Variants in TNC observed in about 807,000 individuals in gnomAD.
The protein encoded by TNC is tenascin.
TNC carries 109 observed loss-of-function variants against 202.4 expected under a neutral mutation model. That is an observed-to-expected ratio of 0.54 (90% CI 0.46 to 0.63). TNC has a LOEUF of 0.63. TNC is among the 30% of genes least tolerant of loss of function. The probability of loss-of-function intolerance (pLI) is 0.00; values close to 1 mark genes in which losing one functional copy is unlikely to be tolerated. For missense variants in TNC, 2,756 were observed against 2,833.3 expected, an observed-to-expected ratio of 0.97 and a Z score of 0.62; for synonymous variants, 1,007 against 1,089.7, an observed-to-expected ratio of 0.92 and a Z score of 1.50.
chr9:115,029,485 A>G, intron 24 of TNC, 29 bp from the exon 25 acceptor site: 1 of 1,605,670 alleles, frequency 6.2e-7, no homozygotes, highest in Non-Finnish European at 8.5e-7. Flanking sequence ...ATCTGGGTGT[A>G]CTTAAGCTAT....
rs374425128 is a variant in TNC at position 115,077,925 on chromosome 9, C to T, written c.2674+18G>A. The stretch of plus-strand genomic sequence containing the variant: ...ATCTTTCCTTTACTATATCTGTTAA[C>T]AGGGGGAGGCCTTTTACCTGTTGTG... On this transcript the variant is annotated intron_variant, in intron 7 of 27. Transcript: ENST00000350763. 24 of 1,609,432 alleles carry T rather than the reference C, an allele frequency of 1.5e-5. No homozygotes were observed. The highest frequency in any genetic ancestry group is 2.0e-5 in the Non-Finnish European group (23 of 1,176,702).
chr9:115,111,399 C>CTCTCTTTTTTTTTTTTT (rs1174066886), intron 1 of TNC, among the ~76,000 whole-genome samples: 1 of 71,360 alleles, frequency 1.4e-5, no homozygotes, highest in African/African-American at 6.0e-5. Context: ...CTCTCTCTCT[C>CTCTCTTTTTTTTTTTTT]TTTTTTTTTT....
In TNC at chr9:115,086,988, C is replaced by T. The variant is rs140657176; in HGVS notation, c.743G>A (p.Ser248Asn). The T allele has an allele frequency of 9.3e-6, 15 of 1,614,100 alleles. No individual in the cohort carries two copies. In the African/African-American group the frequency reaches 1.1e-4, roughly 11 times the overall value. ...GCAGGGCACTGGGCAGATTTCACGGCTGCAGTCAGCCCCGGCGTAGCCTTC... is the reference window on the plus strand; with the variant it reads ...GCAGGGCACTGGGCAGATTTCACGGTTGCAGTCAGCCCCGGCGTAGCCTTC... ...CFEGYAGADC[S>N]REICPVPCSE... The change falls in exon 3 of 28, where the codon AGC becomes AAC. Residue 248 changes from serine to asparagine, a missense_variant. Ser to Asn is a conservative substitution (Grantham distance 46). Coordinates refer to ENST00000350763, the MANE Select transcript of TNC (RefSeq NM_002160.4).
At chr9:115,029,574 C>G in intron 24 of TNC, 118 bp from the exon 25 acceptor site, 2 of 1,002,318 alleles carry the variant, frequency 2.0e-6, no homozygotes, top group Non-Finnish European at 3.1e-6. Context: ...CTGTCCATCC[C>G]TAATTTGCTA....
chr9:115,052,519 G>A (rs1831774680), intron 15 of TNC, among the ~76,000 whole-genome samples: 1 of 142,264 alleles, frequency 7.0e-6, no homozygotes, highest in South Asian at 2.2e-4. Flanking sequence ...ATAAGGTGAG[G>A]TGATTGATAT....
chr9:115,082,588 C>A, intron 5 of TNC, 104 bp downstream of exon 5: 1 of 744,626 alleles, frequency 1.3e-6, no homozygotes, highest in Non-Finnish European at 2.3e-6. Context: ...CCTTGTCCTC[C>A]ACCAAAAACT....
intron 21 of TNC, chr9:115,035,775 A>G (rs1342836773): frequency 3.0e-5 from 9 of 301,644 alleles, no homozygotes; most frequent in Non-Finnish European, 6.1e-6. Flanking sequence ...ATGCCTCTTC[A>G]AAAATATTTT....
Position 115,035,294 on chromosome 9 carries a change from C to A in TNC, c.5697G>T (p.Gln1899His), listed in dbSNP as rs139176024. Residue 1899 changes from glutamine (Q) to histidine (H), a missense_variant, in exon 22 of 28, where the codon CAG (glutamine) becomes CAT (histidine). Transcript: ENST00000350763. ...GCCAGGTAAGGAGGGCAGTTTCCGA[C>A]TGAACCTCAGTAGCAGTCAAGTCTC... ...SPRDLTATEVQSETALLTWRP... is the reference protein window; with the variant it reads ...SPRDLTATEVHSETALLTWRP... 3.3e-5 allele frequency: 54 copies of A among 1,613,600 alleles called. No homozygotes were observed. In the African/African-American group the frequency reaches 6.9e-4, roughly 21 times the overall value.
chr9:115,066,919 T>G (rs1832997795), intron 10 of TNC, among the ~76,000 whole-genome samples: 1 of 152,204 alleles, frequency 6.6e-6, no homozygotes, highest in African/African-American at 2.4e-5. Flanking sequence ...TCTAAAATAT[T>G]TACCATCTGG....
intron 17 of TNC, among the ~76,000 whole-genome samples, chr9:115,042,670 T>C (rs57814580): frequency 6.6e-6 from 1 of 152,198 alleles, no homozygotes; most frequent in Non-Finnish European, 1.5e-5. Context: ...ATTTTTAACA[T>C]TTTCTTAAAT....
At chr9:115,111,737 A>G (rs781201419) in intron 1 of TNC, among the ~76,000 whole-genome samples, 3 of 152,068 alleles carry the variant, frequency 2.0e-5, no homozygotes, top group Non-Finnish European at 4.4e-5. Flanking sequence ...GGCTTTGTTA[A>G]TGTAAATGGC....
intron 18 of TNC, among the ~76,000 whole-genome samples, chr9:115,041,766 T>C (rs1234009731): frequency 6.6e-6 from 1 of 152,170 alleles, no homozygotes; most frequent in Non-Finnish European, 1.5e-5. Flanking sequence ...TGGTCTCTAT[T>C]ATAGCCCATG....
In TNC at chr9:115,086,044, A is replaced by C; in HGVS notation, c.1687T>G (p.Cys563Gly). The C allele has an allele frequency of 1.2e-6, 2 of 1,614,236 alleles. No individual in the cohort carries two copies. The highest frequency in any genetic ancestry group is 1.1e-5 in the South Asian group (1 of 91,084). Residue 563 changes from cysteine to glycine, a missense_variant, in exon 3 of 28, where the codon TGT becomes GGT. By Grantham distance (159) the Cys-to-Gly change is radical (BLOSUM62 -3). Around this residue, in one of 2 missense-constraint regions of TNC, gnomAD observed 2,559 missense variants for 2,546.0 expected, o/e 1.01. Transcript: ENST00000350763. ...FMGKDCKEQR[C>G]PSDCHGQGRC... Reference sequence around the variant, plus strand: ...CCCTGGCCATGACAGTCACTGGGACATCTTTGCTCCTTGCAGTCTTTGCCC... The same window carrying C: ...CCCTGGCCATGACAGTCACTGGGACCTCTTTGCTCCTTGCAGTCTTTGCCC...
At chr9:115,049,614 G>A (rs1831491532) in intron 15 of TNC, among the ~76,000 whole-genome samples, 1 of 151,848 alleles carries the variant, frequency 6.6e-6, no homozygotes, top group Non-Finnish European at 1.5e-5. Flanking sequence ...AGAAGGTTCA[G>A]CGTCTCTTTT....
At chr9:115,103,052 C>T (rs941240313) in intron 1 of TNC, among the ~76,000 whole-genome samples, 4 of 152,178 alleles carry the variant, frequency 2.6e-5, no homozygotes, top group African/African-American at 7.2e-5. Flanking sequence ...GTAATTAGTT[C>T]GTTTTAATTC....
At chr9:115,087,802 T>C (rs1178002823) in intron 2 of TNC, among the ~76,000 whole-genome samples, 2 of 150,226 alleles carry the variant, frequency 1.3e-5, no homozygotes, top group Non-Finnish European at 3.0e-5. Context: ...CCTGGGTTCA[T>C]GCCATTCTCC....
Position 115,031,152 on chromosome 9 carries a change from C to A in TNC, c.5920+401G>T, listed in dbSNP as rs140475956. ...ACTTTCAGCTCATGTTGAACTCTGA[C>A]AATAAAAGGACCACACAATTATATG... On this transcript the variant is annotated intron_variant, in intron 23 of 27. Coordinates refer to ENST00000350763, the MANE Select transcript of TNC (RefSeq NM_002160.4). 3.6e-3 allele frequency among the ~76,000 whole-genome samples: 555 copies of A among 152,278 alleles called. 1 individual carries two copies. Among genetic ancestry groups the A allele is most frequent in the Middle Eastern group, 0.01 (3 of 294 alleles).
intron 1 of TNC, among the ~76,000 whole-genome samples, chr9:115,100,409 A>G (rs1173647990): frequency 1.3e-5 from 2 of 152,184 alleles, no homozygotes; most frequent in African/African-American, 4.8e-5. Flanking sequence ...TCAGGCAGCC[A>G]ATTAAGTAGT....
At chr9:115,036,828 A>G (rs149900206) in intron 20 of TNC, among the ~76,000 whole-genome samples, 14 of 152,286 alleles carry the variant, frequency 9.2e-5, no homozygotes, top group African/African-American at 3.1e-4. Context: ...ACAGGTGACC[A>G]ACCATCCTGG....
Sources: gnomAD v4.1 joint callset for allele counts (sites outside exome capture counted in the v4.1 genomes callset) on GRCh38, gnomAD v4.1.1 for gene constraint, gnomAD v4.1.1 regional missense constraint, MANE v1.5 for transcripts, NCBI Gene and HGNC (gene_info 2026-07-23, HGNC 2026-07-21) for gene names.